The following BLM variants were observed in gnomAD, a reference collection of about 807,000 sequenced individuals.
The protein encoded by BLM is recQ-like DNA helicase BLM.
BLM carries 95 observed loss-of-function variants against 135.3 expected under a neutral mutation model. That is an observed-to-expected ratio of 0.70 (90% CI 0.59 to 0.83). The LOEUF (loss-of-function observed/expected upper bound fraction) is 0.83, where lower values mean the gene tolerates loss of function less well. Ranked by LOEUF, BLM falls within the 40% of genes least tolerant of loss-of-function variation. The pLI is 0.00. For missense variants in BLM, 1,518 were observed against 1,663.9 expected (o/e 0.91, Z 1.53); for synonymous variants, 520 against 589.2 (o/e 0.88, Z 1.70).
At chr15:90,813,182 A>G (rs1447988520) in intron 21 of BLM, among the ~76,000 whole-genome samples, 1 of 152,194 alleles carries the variant, frequency 6.6e-6, no homozygotes, top group Non-Finnish European at 1.5e-5. Context: ...CTCCTAAAAA[A>G]CACGCATGGT....
intron 14 of BLM, chr15:90,790,173 G>A (rs35102869): frequency 5.3e-6 from 1 of 187,736 alleles, no homozygotes; most frequent in Middle Eastern, 2.4e-3. Flanking sequence ...GAGCAGGTAA[G>A]AACGTATTGT....
chr15:90,726,520 G>A (rs966879237), intron 1 of BLM, among the ~76,000 whole-genome samples: 2 of 151,996 alleles, frequency 1.3e-5, no homozygotes, highest in Non-Finnish European at 2.9e-5. Flanking sequence ...CACCCACCTC[G>A]GCCTCCCAAA....
At chr15:90,782,952 T>C in intron 13 of BLM, 24 bp downstream of exon 13, 1 of 1,541,920 alleles carries the variant, frequency 6.5e-7, no homozygotes, top group Non-Finnish European at 9.0e-7. Context: ...TGTGATTAGC[T>C]GTCTAGAAGT....
Position 90,785,403 on chromosome 15 carries a change from T to C in BLM, c.2823+322T>C, listed in dbSNP as rs1307383702. Among the ~76,000 whole-genome samples the C allele has an allele frequency of 2.6e-5, 4 of 152,212 alleles. 1 individual carries two copies. In the East Asian group the frequency reaches 7.7e-4, roughly 29 times the overall value. On this transcript the variant is annotated intron_variant, in intron 14 of 21. Coordinates refer to ENST00000355112, the MANE Select transcript of BLM (RefSeq NM_000057.4). ...TTTTTGATCACCATAAAAAGAAACCTCATACCCAGTCACTTCCCCCACCCC... is the reference window on the plus strand; with the variant it reads ...TTTTTGATCACCATAAAAAGAAACCCCATACCCAGTCACTTCCCCCACCCC...
rs755168095 is a variant in BLM at position 90,767,033 on chromosome 15, T to G, written c.2307+10T>G. 6 of 1,452,940 alleles carry G rather than the reference T, an allele frequency of 4.1e-6. No individual in the cohort carries two copies. 90.0% of individuals were successfully genotyped at this position (1,452,940 alleles called of 1,614,324 possible). A position where few individuals can be genotyped will look rare whatever the true frequency, so the allele number is the denominator to read the frequency against. ...TGTCACTCCAGAAAAGGTTTGTATTTATATCATTATTTTAAAATATATTAA... is the reference window on the plus strand; with the variant it reads ...TGTCACTCCAGAAAAGGTTTGTATTGATATCATTATTTTAAAATATATTAA... On this transcript the variant is annotated intron_variant, in intron 10 of 21. Coordinates refer to ENST00000355112, the MANE Select transcript of BLM (RefSeq NM_000057.4).
intron 3 of BLM, among the ~76,000 whole-genome samples, chr15:90,750,268 A>G (rs935772958): frequency 7.9e-5 from 12 of 152,170 alleles, no homozygotes; most frequent in African/African-American, 2.9e-4. Context: ...CTGCTAATAT[A>G]GTTTCCAGGA....
At chr15:90,773,740 T>A (rs1313842055) in intron 12 of BLM, among the ~76,000 whole-genome samples, 1 of 152,196 alleles carries the variant, frequency 6.6e-6, no homozygotes, top group Non-Finnish European at 1.5e-5. Context: ...ACATGTGGCC[T>A]TTTGTGACTG....
At chr15:90,741,743 A>G (rs1400856950) in intron 1 of BLM, among the ~76,000 whole-genome samples, 1 of 152,212 alleles carries the variant, frequency 6.6e-6, no homozygotes. Context: ...CAAGTTGTCT[A>G]CATATAATGA....
chr15:90,751,066 A>G (rs1895670389), intron 3 of BLM, among the ~76,000 whole-genome samples: 2 of 152,254 alleles, frequency 1.3e-5, no homozygotes, highest in Non-Finnish European at 1.5e-5. Context: ...CTATTAAAGT[A>G]TTATAAATTA....
intron 1 of BLM, among the ~76,000 whole-genome samples, chr15:90,727,792 G>A (rs1045238271): frequency 6.6e-6 from 1 of 151,690 alleles, no homozygotes; most frequent in Non-Finnish European, 1.5e-5. Flanking sequence ...TATCCTTAAA[G>A]TGTTGATGAT....
chr15:90,805,806 C>G (rs951095889), intron 19 of BLM, among the ~76,000 whole-genome samples: 4 of 151,782 alleles, frequency 2.6e-5, no homozygotes, highest in South Asian at 4.2e-4. Context: ...GCTGGGATTA[C>G]AGGCATGAGC....
In BLM at chr15:90,755,253, C is replaced by T. The variant is rs934702554; in HGVS notation, c.1087+315C>T. ...TTAAATTTTTATTTACAAATGAGAA[C>T]TTCCACAAAATCCTGTGTTTCAGAA... On this transcript the variant is annotated intron_variant, in intron 5 of 21. Coordinates refer to ENST00000355112, the MANE Select transcript of BLM (RefSeq NM_000057.4). The T allele has an allele frequency of 8.9e-6, 3 of 338,632 alleles. No homozygotes were observed. The Admixed American group carries it at 1.4e-4, about 16-fold the overall frequency. The allele number at this position is 338,632 out of a possible 1,614,324, so 21.0% of individuals were successfully genotyped here.
intron 10 of BLM, among the ~76,000 whole-genome samples, chr15:90,768,094 C>T (rs1255484596): frequency 6.6e-6 from 1 of 151,840 alleles, no homozygotes; most frequent in East Asian, 1.9e-4. Context: ...AGGTGTGTGC[C>T]ATGATACCTG....
At chr15:90,760,432 A>G (rs937875883) in intron 6 of BLM, among the ~76,000 whole-genome samples, 153 bp downstream of exon 6, 7 of 152,224 alleles carry the variant, frequency 4.6e-5, no homozygotes, top group Non-Finnish European at 7.3e-5. Flanking sequence ...TTTACTTTTC[A>G]AACCACTCCT....
At chr15:90,740,413 A>G (rs1351782618) in intron 1 of BLM, among the ~76,000 whole-genome samples, 1 of 152,132 alleles carries the variant, frequency 6.6e-6, no homozygotes, top group Non-Finnish European at 1.5e-5. Context: ...TATCAGTACT[A>G]TATTTTTTTG....
chr15:90,727,915 G>T (rs780697867), intron 1 of BLM, among the ~76,000 whole-genome samples: 2 of 151,548 alleles, frequency 1.3e-5, no homozygotes, highest in African/African-American at 2.4e-5. Context: ...CTGGAATTTT[G>T]ATTAGAAATG....
chr15:90,723,522 A>G (rs1894825242), intron 1 of BLM, among the ~76,000 whole-genome samples: 1 of 151,930 alleles, frequency 6.6e-6, no homozygotes, highest in Admixed American at 6.6e-5. Flanking sequence ...GCATGATGTC[A>G]TGCACCTGTA....
Position 90,815,496 on chromosome 15 carries a change from G to A in BLM, c.*217G>A. The A allele has an allele frequency of 1.7e-6, 1 of 580,050 alleles. No individual in the cohort carries two copies. The highest frequency in any genetic ancestry group is 2.9e-6 in the Non-Finnish European group (1 of 339,044). 35.9% of individuals were successfully genotyped at this position (580,050 alleles called of 1,614,324 possible). On this transcript the variant is annotated 3_prime_UTR_variant, in exon 22 of 22. Coordinates refer to ENST00000355112, the MANE Select transcript of BLM (RefSeq NM_000057.4). The surrounding 1 kb of genome is among the most constrained non-coding windows in gnomAD (Gnocchi z 4.6). ...TGCCGCTGCAAGTGTTGTGGCCGTT[G>A]TTTCTCAGAACGTCTGAGGCAGCAG...
At chr15:90,756,733 C>CTT (rs1346338536) in intron 5 of BLM, among the ~76,000 whole-genome samples, 1 of 152,286 alleles carries the variant, frequency 6.6e-6, no homozygotes, top group East Asian at 1.9e-4. Flanking sequence ...TGTTTCTGTT[C>CTT]TTTATCCATG....
Sources: allele counts gnomAD v4.1 joint callset (sites outside exome capture counted in the v4.1 genomes callset), GRCh38; gene constraint gnomAD v4.1.1; non-coding constraint Gnocchi (gnomAD v3.1); transcripts MANE v1.5; gene names NCBI Gene and HGNC (gene_info 2026-07-23, HGNC 2026-07-21).